The following ESRRG variants were observed in gnomAD, a reference collection of about 807,000 sequenced individuals.
ESRRG encodes the protein estrogen related receptor gamma.
In ESRRG, 13 loss-of-function variants were observed where a neutral mutation model predicts 44.0. The observed-to-expected ratio is 0.30, with a 90% CI of 0.19 to 0.47. The LOEUF (loss-of-function observed/expected upper bound fraction) is 0.47, where lower values mean the gene tolerates loss of function less well. Among genes scored for constraint, ESRRG ranks in the 20% least tolerant of loss-of-function variants. The probability of loss-of-function intolerance (pLI) is 1.00; values close to 1 mark genes in which losing one functional copy is unlikely to be tolerated. For missense variants in ESRRG, 395 were observed against 580.6 expected (o/e 0.68, Z 3.29); for synonymous variants, 215 against 214.6 (o/e 1.00, Z -0.02).
chr1:217,028,112 C>T (rs993924261), intron 1 of ESRRG, among the ~76,000 whole-genome samples: 4 of 152,152 alleles, frequency 2.6e-5, no homozygotes, highest in Non-Finnish European at 5.9e-5. Context: ...TATACACGCC[C>T]CCACCCCATC....
chr1:216,912,221 GA>G lies in ESRRG; in HGVS notation c.-14+27360del, dbSNP rs2060526427. On this transcript the variant is annotated intron_variant, in intron 2 of 7. Transcript: ENST00000359162. ...GAGAGGAGAGGAGAGGAGAGGAGAG[GA>G]GAGGAGAGGAGAGGAGAGGAGAGGA... Among the ~76,000 whole-genome samples the G allele has an allele frequency of 3.2e-4, 6 of 18,564 alleles. No individual in the cohort carries two copies. In the South Asian group the frequency reaches 0.016, roughly 50 times the overall value. The allele number at this position is 18,564 out of a possible 152,430, so 12.2% of individuals were successfully genotyped here. A position where few individuals can be genotyped will look rare whatever the true frequency, so the allele number is the denominator to read the frequency against.
chr1:217,067,859 C>T (rs894241899), intron 1 of ESRRG, among the ~76,000 whole-genome samples: 1 of 152,014 alleles, frequency 6.6e-6, no homozygotes, highest in African/African-American at 2.4e-5. Context: ...AAAAAAACCC[C>T]ACAACACTGA....
At chr1:216,860,266 C>G (rs1266860603) in intron 2 of ESRRG, among the ~76,000 whole-genome samples, 1 of 151,868 alleles carries the variant, frequency 6.6e-6, no homozygotes, top group Non-Finnish European at 1.5e-5. Context: ...TCTGTCAAAA[C>G]TAAATAAATA....
At chr1:216,723,930 T>G (rs1321475167), upstream of ESRRG, among the ~76,000 whole-genome samples, 1 of 152,132 alleles carries the variant, frequency 6.6e-6, no homozygotes, top group Non-Finnish European at 1.5e-5. Flanking sequence ...GTTGTCTGTG[T>G]TTTTATTACA....
upstream of ESRRG, among the ~76,000 whole-genome samples, chr1:216,727,552 C>T (rs1352353961): frequency 2.8e-4 from 43 of 152,198 alleles, 1 homozygote; most frequent in Non-Finnish European, 4.6e-4. Flanking sequence ...ACTGAGAACA[C>T]GCAGACTTCT....
chr1:216,833,900 T>C (rs1040427137), intron 2 of ESRRG, among the ~76,000 whole-genome samples: 4 of 152,210 alleles, frequency 2.6e-5, no homozygotes, highest in African/African-American at 4.8e-5. Flanking sequence ...CTGTCACTTA[T>C]GGAGTTATTC....
intron 1 of ESRRG, among the ~76,000 whole-genome samples, chr1:216,980,031 A>G (rs1176391298): frequency 6.6e-6 from 1 of 150,878 alleles, no homozygotes; most frequent in African/African-American, 2.5e-5. Flanking sequence ...ACAAAATGCT[A>G]TTTTTCCCCT....
At chr1:216,995,035 A>T (rs1556891) in intron 1 of ESRRG, among the ~76,000 whole-genome samples, 1 of 151,966 alleles carries the variant, frequency 6.6e-6, no homozygotes, top group Non-Finnish European at 1.5e-5. Context: ...AGGGATGTCA[A>T]TCTGGAAGCT....
At chr1:216,931,735 T>C (rs2063367631) in intron 2 of ESRRG, among the ~76,000 whole-genome samples, 1 of 151,538 alleles carries the variant, frequency 6.6e-6, no homozygotes. Flanking sequence ...GAAGCAGGGA[T>C]CATGTTGAAA....
intron 5 of ESRRG, among the ~76,000 whole-genome samples, chr1:216,542,072 CAGAGAGAGAGAGAGAGAGAG>C (rs3040899): frequency 7.2e-6 from 1 of 139,846 alleles, no homozygotes; most frequent in East Asian, 2.2e-4. Flanking sequence ...GTGTCTATGA[CAGAGAGAGAGAGAGAGAGAG>C]AGAGAGAGAG....
chr1:216,972,951 A>C (rs755679991), intron 1 of ESRRG, among the ~76,000 whole-genome samples: 2 of 152,130 alleles, frequency 1.3e-5, no homozygotes, highest in African/African-American at 2.4e-5. Context: ...TTTACCCTAC[A>C]TCTAAACCAT....
rs376701865 is a variant in ESRRG at position 216,516,668 on chromosome 1, C to CACACAGAGAGAGAGAGAG, written c.1132+2483_1132+2484insCTCTCTCTCTCTCTGTGT. ...ACACACACACACACACACACACACA[C>CACACAGAGAGAGAGAGAG]AGAGAGAGAGAGAGAAACGACAAAA... is the stretch of plus-strand genomic sequence containing the variant. On this transcript the variant is annotated intron_variant, in intron 6 of 6. Coordinates refer to ENST00000408911, the MANE Select transcript of ESRRG (RefSeq NM_001438.4). 6.0e-3 allele frequency among the ~76,000 whole-genome samples: 830 copies of CACACAGAGAGAGAGAGAG among 137,196 alleles called. 13 individuals carry two copies. Among genetic ancestry groups the CACACAGAGAGAGAGAGAG allele is most frequent in the African/African-American group, 0.023 (786 of 34,018 alleles). The allele number at this position is 137,196 out of a possible 152,430, so 90.0% of individuals were successfully genotyped here. A position where few individuals can be genotyped will look rare whatever the true frequency, so the allele number is the denominator to read the frequency against.
At chr1:216,905,943 G>GAATA (rs2059635540) in intron 2 of ESRRG, among the ~76,000 whole-genome samples, 1 of 152,048 alleles carries the variant, frequency 6.6e-6, no homozygotes, top group Non-Finnish European at 1.5e-5. Context: ...TAAATACAGG[G>GAATA]TTTCACCATA....
At chr1:216,730,655 C>A (rs1286889209) in intron 2 of ESRRG, among the ~76,000 whole-genome samples, 4 of 152,122 alleles carry the variant, frequency 2.6e-5, no homozygotes, top group Non-Finnish European at 5.9e-5. Context: ...ATGACCAATG[C>A]TATTACTCAG....
chr1:216,854,378 A>G (rs1262799912), intron 2 of ESRRG, among the ~76,000 whole-genome samples: 3 of 121,908 alleles, frequency 2.5e-5, no homozygotes, highest in Non-Finnish European at 3.6e-5. Context: ...AAAAAAAAAA[A>G]GCAAAGAAAA....
chr1:216,800,880 G>T (rs1180352433), intron 2 of ESRRG, among the ~76,000 whole-genome samples: 1 of 152,130 alleles, frequency 6.6e-6, no homozygotes, highest in Non-Finnish European at 1.5e-5. Flanking sequence ...ATAAGGGTTT[G>T]AAGGTATTAA....
At chr1:216,523,798 C>T (rs1336315443) in intron 5 of ESRRG, among the ~76,000 whole-genome samples, 1 of 150,582 alleles carries the variant, frequency 6.6e-6, no homozygotes, top group Non-Finnish European at 1.5e-5. Context: ...TTAATCATGG[C>T]ATTGACTTGC....
intron 2 of ESRRG, among the ~76,000 whole-genome samples, chr1:216,665,569 G>A (rs745586298): frequency 1.3e-5 from 2 of 152,082 alleles, no homozygotes; most frequent in Non-Finnish European, 2.9e-5. Context: ...TGTTTCATGA[G>A]TGCAGAGTTT....
At chr1:216,753,701 T>C (rs540700798) in intron 2 of ESRRG, among the ~76,000 whole-genome samples, 9 of 152,122 alleles carry the variant, frequency 5.9e-5, no homozygotes, top group Admixed American at 5.9e-4. Context: ...TGTATAGGTA[T>C]AGTCCAAATA....
Sources: gnomAD v4.1 joint callset for allele counts (sites outside exome capture counted in the v4.1 genomes callset) on GRCh38, gnomAD v4.1.1 for gene constraint, MANE v1.5 for transcripts, NCBI Gene and HGNC (gene_info 2026-07-23, HGNC 2026-07-21) for gene names.